Variants in KCNIP4 observed in about 807,000 individuals in gnomAD.
KCNIP4 encodes the protein potassium voltage-gated channel interacting protein 4, also known as Kv channel-interacting protein 4.
Under a neutral mutation model 34.0 loss-of-function variants are expected in KCNIP4, and 12 were observed. That is an observed-to-expected ratio of 0.35 (90% CI 0.23 to 0.57). KCNIP4 has a LOEUF of 0.57. Among genes scored for constraint, KCNIP4 ranks in the 20% least tolerant of loss-of-function variants. KCNIP4 has a pLI of 0.83. For missense variants in KCNIP4, 238 were observed against 311.7 expected, an observed-to-expected ratio of 0.76 and a Z score of 1.78; for synonymous variants, 124 against 102.2, an observed-to-expected ratio of 1.21 and a Z score of -1.29.
chr4:21,384,112 T>G (rs1721793713), intron 1 of KCNIP4, among the ~76,000 whole-genome samples: 1 of 152,126 alleles, frequency 6.6e-6, no homozygotes, highest in Non-Finnish European at 1.5e-5. Context: ...GGTTTTTGCA[T>G]GTCTATCTCC....
rs561427574 is a variant in KCNIP4 at position 21,606,168 on chromosome 4, A to G, written c.61+342403T>C. Reference sequence around the variant, plus strand: ...TGGCCATCCAGATATGGGAACTCAGAGAAAGGATATTTCTGGCAATGGCAG... The same window carrying G: ...TGGCCATCCAGATATGGGAACTCAGGGAAAGGATATTTCTGGCAATGGCAG... On this transcript the variant is annotated intron_variant, in intron 1 of 8. Transcript: ENST00000382152. Among the ~76,000 whole-genome samples the G allele has an allele frequency of 6.6e-5, 10 of 152,268 alleles. No individual in the cohort carries two copies. In the South Asian group the frequency reaches 1.2e-3, roughly 19 times the overall value.
intron 1 of KCNIP4, among the ~76,000 whole-genome samples, chr4:21,648,831 G>A (rs147761105): frequency 1.6e-4 from 25 of 152,112 alleles, no homozygotes; most frequent in Non-Finnish European, 2.8e-4. Flanking sequence ...TAGAGGCCCC[G>A]CACATCATAG....
chr4:21,550,504 T>G (rs1437606151), intron 1 of KCNIP4, among the ~76,000 whole-genome samples: 3 of 152,096 alleles, frequency 2.0e-5, no homozygotes, highest in African/African-American at 7.2e-5. Context: ...GTCTCTCTTC[T>G]CTTGCAATGG....
In KCNIP4 at chr4:21,736,076, G is replaced by A. The variant is rs1715971851; in HGVS notation, c.61+212495C>T. ...CTTAGTGTGCTCATTTAACCTTAATGTGGTGACTGTGGAAGCTGTCAGCCT... is the reference window on the plus strand; with the variant it reads ...CTTAGTGTGCTCATTTAACCTTAATATGGTGACTGTGGAAGCTGTCAGCCT... On this transcript the variant is annotated intron_variant, in intron 1 of 8. Transcript: ENST00000382152. Among the ~76,000 whole-genome samples the A allele has an allele frequency of 2.6e-5, 4 of 152,266 alleles. 1 individual carries two copies. In the South Asian group the frequency reaches 6.2e-4, roughly 24 times the overall value.
At chr4:20,924,234 T>G (rs1729683671) in intron 1 of KCNIP4, among the ~76,000 whole-genome samples, 1 of 152,176 alleles carries the variant, frequency 6.6e-6, no homozygotes, top group Non-Finnish European at 1.5e-5. Context: ...ATATTAGGTT[T>G]TATTATTTCT....
intron 1 of KCNIP4, among the ~76,000 whole-genome samples, chr4:21,329,958 C>T (rs1389036666): frequency 6.6e-6 from 1 of 152,120 alleles, no homozygotes; most frequent in Admixed American, 6.6e-5. Context: ...TAAGTAGAAT[C>T]TTAACATGGC....
rs1322997588 is a variant in KCNIP4, at chr4:21,302,656, T to C, written c.62-419947A>G. Among the ~76,000 whole-genome samples the C allele has an allele frequency of 2.0e-5, 3 of 152,310 alleles. No homozygotes were observed. In the East Asian group the frequency reaches 5.8e-4, roughly 29 times the overall value. ...GCTACCAAAAGCATTCTGCAACTTA[T>C]TTTAAAATTAAATAAACAAACCCAG... is the stretch of plus-strand genomic sequence containing the variant. On this transcript the variant is annotated intron_variant, in intron 1 of 8. Coordinates refer to ENST00000382152, the MANE Select transcript of KCNIP4 (RefSeq NM_025221.6).
intron 1 of KCNIP4, among the ~76,000 whole-genome samples, chr4:21,311,871 A>C (rs1713224803): frequency 6.6e-6 from 1 of 152,126 alleles, no homozygotes; most frequent in Non-Finnish European, 1.5e-5. Flanking sequence ...GGGTCCTATC[A>C]TCATTTCCTT....
At chr4:20,961,105 C>A (rs970136064) in intron 1 of KCNIP4, among the ~76,000 whole-genome samples, 4 of 151,808 alleles carry the variant, frequency 2.6e-5, no homozygotes, top group Non-Finnish European at 5.9e-5. Flanking sequence ...ATTTCTTGGA[C>A]AAAAACAAAA....
At chr4:21,334,862 T>TA (rs1196642333) in intron 1 of KCNIP4, among the ~76,000 whole-genome samples, 1 of 152,174 alleles carries the variant, frequency 6.6e-6, no homozygotes, top group Non-Finnish European at 1.5e-5. Context: ...CTACATCATG[T>TA]TCCATTCTGT....
At chr4:21,675,038 G>A (rs1371220674) in intron 1 of KCNIP4, among the ~76,000 whole-genome samples, 1 of 152,072 alleles carries the variant, frequency 6.6e-6, no homozygotes, top group East Asian at 1.9e-4. Flanking sequence ...AGATTTGGAA[G>A]CAACCTAATT....
At chr4:20,928,519 G>A (rs1438328459) in intron 1 of KCNIP4, among the ~76,000 whole-genome samples, 2 of 151,156 alleles carry the variant, frequency 1.3e-5, no homozygotes, top group African/African-American at 2.4e-5. Flanking sequence ...TAAAAAAGAA[G>A]GTAGATTCCA....
intron 2 of KCNIP4, among the ~76,000 whole-genome samples, chr4:20,876,432 A>G (rs1724040316): frequency 6.6e-6 from 1 of 152,230 alleles, no homozygotes; most frequent in South Asian, 2.1e-4. Context: ...TACATAAAGT[A>G]TAGTAGCTAG....
chr4:21,641,141 G>T (rs1366786779), intron 1 of KCNIP4, among the ~76,000 whole-genome samples: 1 of 152,186 alleles, frequency 6.6e-6, no homozygotes, highest in Non-Finnish European at 1.5e-5. Flanking sequence ...CCAAGAAGTG[G>T]TATATATGTG....
At chr4:21,260,222 C>T (rs1269435770) in intron 1 of KCNIP4, among the ~76,000 whole-genome samples, 1 of 152,070 alleles carries the variant, frequency 6.6e-6, no homozygotes, top group Non-Finnish European at 1.5e-5. Flanking sequence ...CATAAAAGGT[C>T]AATTTGAAAC....
intron 1 of KCNIP4, among the ~76,000 whole-genome samples, chr4:21,911,655 C>CACACAGAG (rs1553832675): frequency 5.1e-5 from 7 of 137,236 alleles, no homozygotes; most frequent in African/African-American, 1.7e-4. Context: ...CACACACACA[C>CACACAGAG]AGAGTCTGGT....
chr4:20,987,421 T>G (rs1462623859), intron 1 of KCNIP4, among the ~76,000 whole-genome samples: 1 of 151,966 alleles, frequency 6.6e-6, no homozygotes, highest in African/African-American at 2.4e-5. Context: ...AAGAAGGGAA[T>G]ACCAAAGGTA....
At chr4:21,895,695 G>A (rs568952476) in intron 1 of KCNIP4, among the ~76,000 whole-genome samples, 46 of 152,196 alleles carry the variant, frequency 3.0e-4, no homozygotes, top group African/African-American at 1.0e-3. Flanking sequence ...TCTGGATAGC[G>A]AGAACCACAA....
intron 5 of KCNIP4, among the ~76,000 whole-genome samples, chr4:20,736,294 T>A (rs1304480951): frequency 6.6e-6 from 1 of 152,242 alleles, no homozygotes; most frequent in Admixed American, 6.5e-5. Flanking sequence ...CCATTGTATA[T>A]GTAAATACAT....
Sources: allele counts gnomAD v4.1 joint callset (sites outside exome capture counted in the v4.1 genomes callset), GRCh38; gene constraint gnomAD v4.1.1; transcripts MANE v1.5; gene names NCBI Gene and HGNC (gene_info 2026-07-23, HGNC 2026-07-21).